Variants in DDAH1 observed in about 807,000 individuals in gnomAD.
The protein encoded by DDAH1 is dimethylarginine dimethylaminohydrolase 1, also known as N(G),N(G)-dimethylarginine dimethylaminohydrolase 1.
In DDAH1, 19 loss-of-function variants were observed where a neutral mutation model predicts 28.8. The ratio of observed to expected loss-of-function variants is 0.66; its 90% CI spans 0.46 to 0.97. DDAH1 has a LOEUF of 0.97. DDAH1 is among the 50% of genes least tolerant of loss of function. The pLI is 0.00. For synonymous variants in DDAH1, 153 were observed against 154.4 expected (o/e 0.99, Z 0.07); for missense variants, 326 against 375.9 (o/e 0.87, Z 1.10).
At chr1:85,390,997 T>A (rs774749360) in intron 1 of DDAH1, among the ~76,000 whole-genome samples, 3 of 152,190 alleles carry the variant, frequency 2.0e-5, no homozygotes, top group Non-Finnish European at 4.4e-5. Context: ...CTAATTGGCA[T>A]TCAGAAGCCT....
chr1:85,457,428 G>A (rs1290015878), intron 1 of DDAH1, among the ~76,000 whole-genome samples: 1 of 152,086 alleles, frequency 6.6e-6, no homozygotes, highest in Non-Finnish European at 1.5e-5. Context: ...GCAAGTGTCT[G>A]TCACTGATCT....
chr1:85,392,623 T>C (rs1447146058), intron 1 of DDAH1, among the ~76,000 whole-genome samples: 1 of 151,734 alleles, frequency 6.6e-6, no homozygotes, highest in African/African-American at 2.4e-5. Context: ...TGAAACCCTG[T>C]CTGTACTAAA....
chr1:85,556,777 G>C (rs909469198), intron 1 of DDAH1, among the ~76,000 whole-genome samples: 1 of 152,212 alleles, frequency 6.6e-6, no homozygotes, highest in Non-Finnish European at 1.5e-5. Context: ...TGCTTTGACT[G>C]TTCAGTATCC....
intron 1 of DDAH1, among the ~76,000 whole-genome samples, chr1:85,448,726 T>TA (rs1016462009): frequency 8.5e-5 from 13 of 152,126 alleles, no homozygotes; most frequent in Non-Finnish European, 1.3e-4. Context: ...TTTTCTTTTA[T>TA]AAAAAAACCC....
chr1:85,482,650 C>T (rs1390251907), intron 2 of DDAH1: 4 of 152,310 alleles, frequency 2.6e-5, no homozygotes, highest in Non-Finnish European at 4.4e-5. Flanking sequence ...ATTGCATATA[C>T]ATCAACCATT....
At chr1:85,366,705 A>G (rs529904700) in intron 1 of DDAH1, among the ~76,000 whole-genome samples, 1 of 152,178 alleles carries the variant, frequency 6.6e-6, no homozygotes, top group Non-Finnish European at 1.5e-5. Context: ...AAGAGGCTGG[A>G]TATATGAATG....
At chr1:85,455,279 T>C (rs1215378374) in intron 1 of DDAH1, among the ~76,000 whole-genome samples, 1 of 152,226 alleles carries the variant, frequency 6.6e-6, no homozygotes. Context: ...AAAATGGCTA[T>C]GTTTTTCTTC....
intron 4 of DDAH1, among the ~76,000 whole-genome samples, chr1:85,328,507 C>T (rs1557464581): frequency 6.6e-6 from 1 of 152,168 alleles, no homozygotes; most frequent in Non-Finnish European, 1.5e-5. Context: ...TGGGATTCCA[C>T]TATGTCTAAA....
At chr1:85,435,536 A>C (rs1570540006) in intron 1 of DDAH1, among the ~76,000 whole-genome samples, 1 of 152,256 alleles carries the variant, frequency 6.6e-6, no homozygotes, top group East Asian at 1.9e-4. Flanking sequence ...ATAAATAAGT[A>C]CAACAAGTAA....
chr1:85,539,688 C>A (rs533877209), intron 1 of DDAH1, among the ~76,000 whole-genome samples: 2 of 151,614 alleles, frequency 1.3e-5, no homozygotes, highest in Non-Finnish European at 2.9e-5. Flanking sequence ...AGTTCTCCCC[C>A]TCAATTACCC....
At chr1:85,571,143 C>T (rs1659443696) in intron 1 of DDAH1, among the ~76,000 whole-genome samples, 1 of 152,166 alleles carries the variant, frequency 6.6e-6, no homozygotes, top group Non-Finnish European at 1.5e-5. Flanking sequence ...GCGTTTGGCC[C>T]ATGGCGGTGC....
At chr1:85,400,613 A>T (rs943854704) in intron 1 of DDAH1, among the ~76,000 whole-genome samples, 3 of 152,156 alleles carry the variant, frequency 2.0e-5, no homozygotes, top group Non-Finnish European at 4.4e-5. Context: ...GATGCTATTT[A>T]TATCATTACG....
At chr1:85,413,984 T>C (rs923175749) in intron 1 of DDAH1, among the ~76,000 whole-genome samples, 2 of 152,254 alleles carry the variant, frequency 1.3e-5, no homozygotes, top group African/African-American at 4.8e-5. Flanking sequence ...AAAATGTGTT[T>C]CCTACTAAAA....
intron 1 of DDAH1, among the ~76,000 whole-genome samples, chr1:85,403,244 T>TACAC (rs4001155): frequency 2.7e-5 from 4 of 150,162 alleles, no homozygotes; most frequent in South Asian, 2.1e-4. Context: ...TGTGTATATA[T>TACAC]ACACACACAC....
chr1:85,393,290 A>C (rs1651650896), intron 1 of DDAH1, among the ~76,000 whole-genome samples: 1 of 152,108 alleles, frequency 6.6e-6, no homozygotes, highest in Non-Finnish European at 1.5e-5. Context: ...CACAGTTTAA[A>C]CTCCACTTGT....
rs56960677 is a variant in DDAH1 at position 85,451,157 on chromosome 1, G to A, written c.303+13586C>T. 1.1e-3 allele frequency among the ~76,000 whole-genome samples: 166 copies of A among 152,272 alleles called. 2 individuals are homozygous for A. The East Asian group carries it at 0.029, about 27-fold the overall frequency. On this transcript the variant is annotated intron_variant, in intron 1 of 5. Transcript: ENST00000284031. ...TGTTTCAGGTGGAGTCAGCATAGGG[G>A]TCCAAAATACAAGAGCAATGAATGC...
chr1:85,558,316 C>T lies in DDAH1; in HGVS notation c.-123+19668G>A, dbSNP rs537057860. On this transcript the variant is annotated intron_variant, in intron 1 of 6. Coordinates refer to the DDAH1 transcript ENST00000426972. ...GGCAGAGGTTGCAGTGAGCCAAGAT[C>T]GCACGACTGCACTCCAGCCTGGGCG... Among the ~76,000 whole-genome samples the T allele has an allele frequency of 4.9e-4, 74 of 152,304 alleles. No homozygotes were observed. In the East Asian group the frequency reaches 9.3e-3, roughly 19 times the overall value.
chr1:85,324,314 A>G (rs1647232471), intron 5 of DDAH1, among the ~76,000 whole-genome samples: 1 of 127,142 alleles, frequency 7.9e-6, no homozygotes, highest in South Asian at 3.0e-4. Flanking sequence ...AAAAAAATAA[A>G]AAGAAATAAA....
rs182272458 is a variant in DDAH1 at position 85,335,115 on chromosome 1, C to A, written c.598-10232G>T. 2.7e-3 allele frequency among the ~76,000 whole-genome samples: 416 copies of A among 152,240 alleles called. 1 individual carries two copies. The highest frequency in any genetic ancestry group is 5.2e-3 in the Non-Finnish European group (353 of 68,024). ...AAAAGTATAAAACTTACTGGAAGAG[C>A]AAACACACGAATGAGGAAGAGAAAG... is the stretch of plus-strand genomic sequence containing the variant. On this transcript the variant is annotated intron_variant, in intron 4 of 5. Transcript: ENST00000284031.
Sources: allele counts gnomAD v4.1 joint callset (sites outside exome capture counted in the v4.1 genomes callset), GRCh38; gene constraint gnomAD v4.1.1; transcripts MANE v1.5; gene names NCBI Gene and HGNC (gene_info 2026-07-23, HGNC 2026-07-21).